The following RHOQ variants were observed in gnomAD, a reference collection of about 807,000 sequenced individuals.
RHOQ encodes the protein rho-related GTP-binding protein RhoQ.
Under a neutral mutation model 25.8 loss-of-function variants are expected in RHOQ, and 7 were observed. The observed-to-expected ratio is 0.27, with a 90% CI of 0.15 to 0.51. The LOEUF (loss-of-function observed/expected upper bound fraction) is 0.51, where lower values mean the gene tolerates loss of function less well. Among genes scored for constraint, RHOQ ranks in the 20% least tolerant of loss-of-function variants. RHOQ has a pLI of 0.97. For missense variants in RHOQ, 165 were observed against 260.6 expected (o/e 0.63, Z 2.53); for synonymous variants, 97 against 98.6 (o/e 0.98, Z 0.10).
At chr2:46,543,379 T>C (rs1221105349) in intron 1 of RHOQ, 191 bp downstream of exon 1, 40 of 530,092 alleles carry the variant, frequency 7.5e-5, no homozygotes, top group Non-Finnish European at 1.1e-4. Context: ...ATCCACCCCC[T>C]CTCCCACCCG....
chr2:46,542,687 T>A lies in RHOQ; in HGVS notation c.-360T>A, dbSNP rs1258439508. 6.8e-6 allele frequency: 1 copy of A among 146,388 alleles called. No homozygotes were observed. The highest frequency in any genetic ancestry group is 2.5e-5 in the African/African-American group (1 of 40,776). 9.1% of individuals were successfully genotyped at this position (146,388 alleles called of 1,614,324 possible). A position where few individuals can be genotyped will look rare whatever the true frequency, so the allele number is the denominator to read the frequency against. On this transcript the variant is annotated 5_prime_UTR_variant, in exon 1 of 5. Coordinates refer to ENST00000238738, the MANE Select transcript of RHOQ (RefSeq NM_012249.4). ...GGGGAGAGCCGCCTGGCCCCTCCCC[T>A]CCGCCGCCCTCCCCAAAGTTGCCGT... is the stretch of plus-strand genomic sequence containing the variant.
intron 2 of RHOQ, among the ~76,000 whole-genome samples, chr2:46,570,098 A>G (rs976429363): frequency 2.0e-5 from 3 of 152,250 alleles, no homozygotes; most frequent in Non-Finnish European, 2.9e-5. Context: ...CATTTCACAA[A>G]GTTAAATATA....
At chr2:46,545,144 T>C (rs138861315) in intron 2 of RHOQ, among the ~76,000 whole-genome samples, 2,409 of 152,300 alleles carry the variant, frequency 0.016, 33 homozygotes, top group African/African-American at 0.031. Flanking sequence ...GTACAGCCAG[T>C]TCTCAGCTCT....
chr2:46,543,414 G>T (rs929767313), intron 1 of RHOQ: 1 of 581,556 alleles, frequency 1.7e-6, no homozygotes, highest in Non-Finnish European at 3.0e-6. Flanking sequence ...CCTGCTCCCC[G>T]CACTTCCTAC....
intron 2 of RHOQ, among the ~76,000 whole-genome samples, chr2:46,546,484 A>ATCCG (rs1668061376): frequency 4.5e-5 from 1 of 22,316 alleles, no homozygotes; most frequent in African/African-American, 2.7e-4. Context: ...GTGTATATAT[A>ATCCG]TATATATATA....
rs746157031 is a variant in RHOQ at position 46,548,770 on chromosome 2, T to C, written c.201+4958T>C. 2.6e-5 allele frequency among the ~76,000 whole-genome samples: 4 copies of C among 152,054 alleles called. No homozygotes were observed. Among genetic ancestry groups the C allele is most frequent in the Non-Finnish European group, 5.9e-5 (4 of 68,038 alleles). ...TTAGTAACCTACTGTAGATTTGTCA[T>C]GTGTGCATTTTGCTAACCTTTTTAG... On this transcript the variant is annotated intron_variant, in intron 2 of 4. Transcript: ENST00000238738. This position sits in a 1 kb window ranked among gnomAD's most constrained non-coding sequence, Gnocchi z 5.2.
intron 2 of RHOQ, among the ~76,000 whole-genome samples, chr2:46,564,661 C>G (rs1668672355): frequency 6.6e-6 from 1 of 152,230 alleles, no homozygotes; most frequent in African/African-American, 2.4e-5. Context: ...AGCACTGCAG[C>G]CTTCATCTGA....
rs138221049 is a variant in RHOQ at position 46,581,493 on chromosome 2, T to C, written c.*410T>C. 6.1e-5 allele frequency: 98 copies of C among 1,611,174 alleles called. No homozygotes were observed. The African/African-American group carries it at 1.2e-3, about 19-fold the overall frequency. On this transcript the variant is annotated 3_prime_UTR_variant, in exon 5 of 5. Transcript: ENST00000238738. ...TTTGCTCCAGTTAATTGTTCTTGTA[T>C]GTAAGTTGCTTTCTATTCCAGTATA...
intron 2 of RHOQ, chr2:46,568,790 TC>T (rs1222473528): frequency 6.6e-6 from 1 of 152,100 alleles, no homozygotes; most frequent in African/African-American, 2.4e-5. Flanking sequence ...TCCTCTGCTG[TC>T]CTCTACACAG....
chr2:46,572,828 A>G (rs1393147891), intron 2 of RHOQ: 5 of 429,164 alleles, frequency 1.2e-5, no homozygotes, highest in Non-Finnish European at 2.3e-5. Flanking sequence ...TGTGTTCTCA[A>G]ATTTAAAATA....
In RHOQ at chr2:46,581,428, T is replaced by G. The variant is rs554944769; in HGVS notation, c.*345T>G. On this transcript the variant is annotated 3_prime_UTR_variant, in exon 5 of 5. Transcript: ENST00000238738. ...GCTTGGCTTTGACCATACACATTTC[T>G]GCCCAGCCCTTACAGAATCTGCACA... is the stretch of plus-strand genomic sequence containing the variant. The G allele has an allele frequency of 8.8e-6, 14 of 1,585,334 alleles. No homozygotes were observed. In the Admixed American group the frequency reaches 1.8e-4, roughly 20 times the overall value.
In RHOQ at chr2:46,583,554, G is replaced by GA. The variant is rs1299358133; in HGVS notation, c.*2472dup. ...TTTGGAGTTCCCCATTGCTTATCAA[G>GA]AGCTTTTTAATTGCTTTGGTTCTTT... On this transcript the variant is annotated 3_prime_UTR_variant, in exon 5 of 5. Transcript: ENST00000238738. Among the ~76,000 whole-genome samples the GA allele has an allele frequency of 6.6e-5, 10 of 152,222 alleles. No individual in the cohort carries two copies. The highest frequency in any genetic ancestry group is 2.4e-4 in the African/African-American group (10 of 41,540).
At chr2:46,558,915 A>T (rs1668484546) in intron 2 of RHOQ, among the ~76,000 whole-genome samples, 1 of 151,228 alleles carries the variant, frequency 6.6e-6, no homozygotes, top group Admixed American at 6.6e-5. Context: ...TGTTGTCTGG[A>T]TGTTCTTTTT....
rs117327055 is a variant in RHOQ at position 46,557,037 on chromosome 2, A to G, written c.201+13225A>G. On this transcript the variant is annotated intron_variant, in intron 2 of 4. Coordinates refer to ENST00000238738, the MANE Select transcript of RHOQ (RefSeq NM_012249.4). Reference sequence around the variant, plus strand: ...ACAAGAGAAGAAAAACAAATAGCCAATGAAAACACACTCTGTAAAGACATG... The same window carrying G: ...ACAAGAGAAGAAAAACAAATAGCCAGTGAAAACACACTCTGTAAAGACATG... 1.4e-3 allele frequency among the ~76,000 whole-genome samples: 207 copies of G among 152,372 alleles called. 4 individuals carry two copies. In the East Asian group the frequency reaches 0.037, roughly 27 times the overall value.
chr2:46,577,763 A>G (rs182558045), intron 4 of RHOQ, among the ~76,000 whole-genome samples: 92 of 151,928 alleles, frequency 6.1e-4, no homozygotes, highest in Admixed American at 6.0e-3. Context: ...AGAAAGCAAG[A>G]AAACTTTCTG....
chr2:46,567,343 G>A (rs1247243400), intron 2 of RHOQ, among the ~76,000 whole-genome samples: 3 of 151,580 alleles, frequency 2.0e-5, no homozygotes, highest in East Asian at 3.9e-4. Flanking sequence ...AGTGGCATGT[G>A]GTTTTCTGTG....
At chr2:46,580,319 CT>C (rs932958871) in intron 4 of RHOQ, 1 of 152,348 alleles carries the variant, frequency 6.6e-6, no homozygotes, top group Non-Finnish European at 1.5e-5. Flanking sequence ...ATGTTCTTCC[CT>C]ATGGACATGA....
intron 2 of RHOQ, among the ~76,000 whole-genome samples, chr2:46,558,439 T>C (rs1668469845): frequency 6.6e-6 from 1 of 152,208 alleles, no homozygotes. Context: ...TAGATTATAT[T>C]TTTTCTCCCT....
At chr2:46,546,476 GTA>G (rs1553418898) in intron 2 of RHOQ, among the ~76,000 whole-genome samples, 144 of 13,060 alleles carry the variant, frequency 0.011, 5 homozygotes, top group African/African-American at 0.027. Flanking sequence ...ATATATATGT[GTA>G]TATATATATA....
Sources: gnomAD v4.1 joint callset for allele counts (sites outside exome capture counted in the v4.1 genomes callset) on GRCh38, gnomAD v4.1.1 for gene constraint, Gnocchi (gnomAD v3.1) non-coding constraint, MANE v1.5 for transcripts, NCBI Gene and HGNC (gene_info 2026-07-23, HGNC 2026-07-21) for gene names.